Variants in ZZZ3 observed in about 807,000 individuals in gnomAD.
ZZZ3 encodes the protein zinc finger ZZ-type containing 3, also known as ZZ-type zinc finger-containing protein 3.
In ZZZ3, 22 loss-of-function variants were observed where a neutral mutation model predicts 95.2. The ratio of observed to expected loss-of-function variants is 0.23; its 90% CI spans 0.17 to 0.33. The LOEUF (loss-of-function observed/expected upper bound fraction) is 0.33, where lower values mean the gene tolerates loss of function less well. Ranked by LOEUF, ZZZ3 falls within the 10% of genes least tolerant of loss-of-function variation. The probability of loss-of-function intolerance (pLI) is 1.00; values close to 1 mark genes in which losing one functional copy is unlikely to be tolerated. For synonymous variants in ZZZ3, 335 were observed against 358.9 expected (o/e 0.93, Z 0.75); for missense variants, 885 against 1,066.5 (o/e 0.83, Z 2.37).
intron 5 of ZZZ3, among the ~76,000 whole-genome samples, chr1:77,606,113 C>G (rs1324905441): frequency 1.3e-5 from 2 of 152,104 alleles, no homozygotes; most frequent in Middle Eastern, 3.2e-3. Context: ...GGTCCACTAC[C>G]CTGAAGTGTT....
chr1:77,631,376 C>T (rs1204365620), intron 5 of ZZZ3, among the ~76,000 whole-genome samples: 1 of 152,072 alleles, frequency 6.6e-6, no homozygotes, highest in African/African-American at 2.4e-5. Flanking sequence ...GCATAAAGCA[C>T]ATTTTTTAAT....
rs1429315545 is a variant in ZZZ3, at chr1:77,563,152, TTTC to T, written c.*2485_*2487del. The T allele has an allele frequency of 2.0e-5, 3 of 152,198 alleles. No individual in the cohort carries two copies. The highest frequency in any genetic ancestry group is 1.3e-4 in the Admixed American group (2 of 15,276). 9.4% of individuals were successfully genotyped at this position (152,198 alleles called of 1,614,324 possible). A position where few individuals can be genotyped will look rare whatever the true frequency, so the allele number is the denominator to read the frequency against. On this transcript the variant is annotated 3_prime_UTR_variant, in exon 15 of 15. Coordinates refer to ENST00000370801, the MANE Select transcript of ZZZ3 (RefSeq NM_015534.6). ...CAACAATGGTTTTAGATATTAAAAG[TTTC>T]TTAAGATGTGCAAATAACTTGAGCA...
At chr1:77,598,733 G>A (rs1664447854) in intron 5 of ZZZ3, among the ~76,000 whole-genome samples, 1 of 152,092 alleles carries the variant, frequency 6.6e-6, no homozygotes, top group Non-Finnish European at 1.5e-5. Context: ...ATAATTCTCA[G>A]CTGCTATCTA....
At chr1:77,593,916 T>C (rs901044525) in intron 5 of ZZZ3, among the ~76,000 whole-genome samples, 1 of 152,144 alleles carries the variant, frequency 6.6e-6, no homozygotes, top group Admixed American at 6.5e-5. Context: ...GTCTTTAAAA[T>C]GAAAATGGAC....
At chr1:77,585,457 A>T (rs1662992438) in intron 5 of ZZZ3, among the ~76,000 whole-genome samples, 1 of 152,178 alleles carries the variant, frequency 6.6e-6, no homozygotes, top group African/African-American at 2.4e-5. Flanking sequence ...ATCAATACAC[A>T]TAGAGAAATA....
At chr1:77,600,662 T>A (rs1168480876) in intron 5 of ZZZ3, among the ~76,000 whole-genome samples, 1 of 151,728 alleles carries the variant, frequency 6.6e-6, no homozygotes, top group Non-Finnish European at 1.5e-5. Flanking sequence ...GTTCCCGGGG[T>A]TGTTCCAAAC....
intron 1 of ZZZ3, among the ~76,000 whole-genome samples, chr1:77,661,739 T>C (rs1010310718): frequency 2.6e-5 from 4 of 152,302 alleles, no homozygotes; most frequent in Admixed American, 1.3e-4. Flanking sequence ...TTGCTTTCTT[T>C]TTCCAAGTTA....
At chr1:77,662,271 CA>C (rs907753677) in intron 1 of ZZZ3, among the ~76,000 whole-genome samples, 6 of 151,988 alleles carry the variant, frequency 3.9e-5, no homozygotes, top group Non-Finnish European at 7.4e-5. Flanking sequence ...CTCAGCCTCT[CA>C]AAGTGCTGGG....
In ZZZ3 at chr1:77,581,074, A is replaced by C; in HGVS notation, c.1909-5T>G. On this transcript the variant is annotated splice_region_variant and splice_polypyrimidine_tract_variant and intron_variant, in intron 8 of 14. Coordinates refer to ENST00000370801, the MANE Select transcript of ZZZ3 (RefSeq NM_015534.6). ...ACACAAGCGTCCTCTTATCATCTGC[A>C]CATAAGACAAGGCTTTTGTCAGAGA... is the stretch of plus-strand genomic sequence containing the variant. 3.1e-6 allele frequency: 5 copies of C among 1,612,966 alleles called. No individual in the cohort carries two copies. The highest frequency in any genetic ancestry group is 4.2e-6 in the Non-Finnish European group (5 of 1,178,942).
At position 77,633,195 on chromosome 1, in the gene ZZZ3, G is replaced by T. The variant is rs764126035; in HGVS notation, c.160C>A (p.Pro54Thr). The T allele has an allele frequency of 6.2e-7, 1 of 1,614,010 alleles. No homozygotes were observed. Among genetic ancestry groups the T allele is most frequent in the South Asian group, 1.1e-5 (1 of 91,076 alleles). Reference protein sequence around the residue: ...QVRSRSPKKRPEPVPIQKGNN... With the variant: ...QVRSRSPKKRTEPVPIQKGNN... ...CCTTTCTGAATTGGCACAGGCTCTG[G>T]TCTCTTCTTTGGTGATCTTGATCGT... is the stretch of plus-strand genomic sequence containing the variant. The change falls in exon 5 of 15, where the codon CCA becomes ACA. Residue 54 changes from proline (P) to threonine (T), a missense_variant. Physicochemically the swap from Pro to Thr is conservative, Grantham distance 38 (BLOSUM62 -1). Coordinates refer to ENST00000370801, the MANE Select transcript of ZZZ3 (RefSeq NM_015534.6).
rs1660534670 is a variant in ZZZ3 at position 77,562,900 on chromosome 1, T to A, written c.*2740A>T. The A allele has an allele frequency of 6.6e-6, 1 of 152,432 alleles. No individual in the cohort carries two copies. Among genetic ancestry groups the A allele is most frequent in the African/African-American group, 2.4e-5 (1 of 41,444 alleles). 9.4% of individuals were successfully genotyped at this position (152,432 alleles called of 1,614,324 possible). On this transcript the variant is annotated 3_prime_UTR_variant, in exon 15 of 15. Transcript: ENST00000370801. ...CTGACTCTGAAGTAATCTGCCTAGG[T>A]TAAAATCCAAGCATGACCACTTTAC...
At chr1:77,583,225 G>A (rs1662713488) in intron 6 of ZZZ3, among the ~76,000 whole-genome samples, 1 of 152,010 alleles carries the variant, frequency 6.6e-6, no homozygotes, top group African/African-American at 2.4e-5. Context: ...GCATCTTTTT[G>A]CCTACCCGGG....
At chr1:77,628,953 T>G (rs181451784) in intron 5 of ZZZ3, among the ~76,000 whole-genome samples, 4 of 152,196 alleles carry the variant, frequency 2.6e-5, no homozygotes, top group Non-Finnish European at 5.9e-5. Flanking sequence ...TATGTACATA[T>G]GTGTGTACAG....
rs1378052647 is a variant in ZZZ3 at position 77,631,945 on chromosome 1, T to C, written c.1410A>G (p.Lys470=). The change falls in exon 5 of 15, where the codon AAA becomes AAG. Residue 470 remains lysine (K), a synonymous_variant. Transcript: ENST00000370801. The part of the protein sequence containing the change: ...RLNIGHLPSA[K]ESASQHITEE... ...CTGTAATGTGCTGACTGGCACTCTC[T>C]TTGGCAGATGGCAAATGTCCAATAT... 2.5e-6 allele frequency: 4 copies of C among 1,614,030 alleles called. No individual in the cohort carries two copies. The African/African-American group carries it at 5.3e-5, about 22-fold the overall frequency.
chr1:77,611,204 G>A (rs1279097573), intron 5 of ZZZ3, among the ~76,000 whole-genome samples: 7 of 27,156 alleles, frequency 2.6e-4, no homozygotes, highest in Admixed American at 1.0e-3. Flanking sequence ...AAGAAACCAG[G>A]AAAACAATCC....
intron 5 of ZZZ3, among the ~76,000 whole-genome samples, chr1:77,600,190 A>C (rs1468057767): frequency 6.6e-6 from 1 of 152,150 alleles, no homozygotes; most frequent in Admixed American, 6.6e-5. Context: ...TATTTGGCTT[A>C]AAACTGTAAG....
intron 1 of ZZZ3, among the ~76,000 whole-genome samples, chr1:77,663,267 T>C (rs894087115): frequency 2.0e-5 from 3 of 152,172 alleles, no homozygotes; most frequent in Non-Finnish European, 4.4e-5. Flanking sequence ...GTAAATTAGA[T>C]AATGGTATTA....
chr1:77,638,190 A>G (rs576913688), intron 4 of ZZZ3, among the ~76,000 whole-genome samples: 23 of 152,254 alleles, frequency 1.5e-4, no homozygotes, highest in African/African-American at 3.6e-4. Flanking sequence ...CTTGGAGGCC[A>G]TATCTGAGAA....
chr1:77,614,822 A>G (rs1244011373), intron 5 of ZZZ3: 1 of 152,234 alleles, frequency 6.6e-6, no homozygotes, highest in African/African-American at 2.4e-5. Flanking sequence ...CCAGATGTTA[A>G]AATCTATTTC....
Sources: gnomAD v4.1 joint callset for allele counts (sites outside exome capture counted in the v4.1 genomes callset) on GRCh38, gnomAD v4.1.1 for gene constraint, MANE v1.5 for transcripts, NCBI Gene and HGNC (gene_info 2026-07-23, HGNC 2026-07-21) for gene names.